The following MTMR8 variants were observed in gnomAD, a reference collection of about 807,000 sequenced individuals.
The protein encoded by MTMR8 is myotubularin related protein 8.
Under a neutral mutation model 39.3 loss-of-function variants are expected in MTMR8, and 65 were observed. The observed-to-expected ratio is 1.65, with a 90% confidence interval of 1.35 to 2.03. The LOEUF (loss-of-function observed/expected upper bound fraction) is 2.03. Among genes scored for constraint, MTMR8 ranks in the 30% most tolerant of loss-of-function variants. The pLI, the probability that MTMR8 is intolerant of heterozygous loss-of-function variation, is 0.00. For synonymous variants in MTMR8, 245 were observed against 185.2 expected, an observed-to-expected ratio of 1.32 and a Z score of -2.62; for missense variants, 777 against 538.9, an observed-to-expected ratio of 1.44 and a Z score of -4.37.
intron 7 of MTMR8, among the ~76,000 whole-genome samples, chrX:64,344,540 C>T (rs1434002475): frequency 9.0e-6 from 1 of 111,192 alleles, no homozygotes. Flanking sequence ...TCCCACCTTG[C>T]CCCCTTTCTG....
chrX:64,319,110 T>C (rs937026150), intron 12 of MTMR8, among the ~76,000 whole-genome samples: 1 of 112,346 alleles, frequency 8.9e-6, no homozygotes, highest in Non-Finnish European at 1.9e-5. Flanking sequence ...AAAGAATAAT[T>C]GGTGGCAATG....
Position 64,317,229 on chromosome X carries a change from C to T in MTMR8, c.1481+11543G>A, listed in dbSNP as rs183575295. On this transcript the variant is annotated intron_variant, in intron 12 of 13. Transcript: ENST00000374852. ...GTTCACTCAGCTTCTCGAATCTATA[C>T]GTATAAGCCTTTTGCCATACTGGAA... Among the ~76,000 whole-genome samples the T allele has an allele frequency of 4.4e-4, 49 of 111,363 alleles. No individual in the cohort carries two copies. In the South Asian group the frequency reaches 0.017, roughly 38 times the overall value.
At chrX:64,371,075 T>C (rs1924120127) in intron 1 of MTMR8, among the ~76,000 whole-genome samples, 1 of 111,897 alleles carries the variant, frequency 8.9e-6, no homozygotes, top group African/African-American at 3.2e-5. Flanking sequence ...AAGGATCACT[T>C]GAACTCAGGA....
intron 12 of MTMR8, among the ~76,000 whole-genome samples, chrX:64,313,355 C>G (rs1296738906): frequency 8.9e-6 from 1 of 112,691 alleles, no homozygotes; most frequent in Non-Finnish European, 1.9e-5. Context: ...ATGAACCAAG[C>G]TCAGGTAGCT....
At chrX:64,374,319 C>T (rs1408784858) in intron 1 of MTMR8, among the ~76,000 whole-genome samples, 4 of 111,826 alleles carry the variant, frequency 3.6e-5, no homozygotes, top group Non-Finnish European at 7.5e-5. Context: ...TTCTTTAATT[C>T]AAGATTCTGT....
intron 1 of MTMR8, among the ~76,000 whole-genome samples, chrX:64,380,784 C>T (rs1924392710): frequency 9.0e-6 from 1 of 111,070 alleles, no homozygotes; most frequent in Admixed American, 9.6e-5. Flanking sequence ...GTGATGTTCC[C>T]CTTGCTGTGT....
intron 12 of MTMR8, among the ~76,000 whole-genome samples, chrX:64,288,669 C>T (rs1274395762): frequency 9.0e-6 from 1 of 111,680 alleles, no homozygotes; most frequent in Non-Finnish European, 1.9e-5. Context: ...ACATATACAC[C>T]ATGGAATACT....
chrX:64,359,378 C>A, intron 2 of MTMR8, 27 bp downstream of exon 2: 1 of 1,193,282 alleles, frequency 8.4e-7, no homozygotes, highest in Non-Finnish European at 1.1e-6. Flanking sequence ...CTTTAAGACT[C>A]TTTGATACTT....
At chrX:64,320,819 G>A (rs1217438925) in intron 12 of MTMR8, among the ~76,000 whole-genome samples, 1 of 111,537 alleles carries the variant, frequency 9.0e-6, no homozygotes, top group Non-Finnish European at 1.9e-5. Flanking sequence ...TACAGAAGCA[G>A]GACATGGCTA....
chrX:64,338,473 C>T (rs1016945076), intron 8 of MTMR8, among the ~76,000 whole-genome samples: 3 of 112,013 alleles, frequency 2.7e-5, no homozygotes, highest in Non-Finnish European at 3.8e-5. Context: ...GATGTAACAG[C>T]GTGTACATTG....
chrX:64,307,772 C>T (rs946708198), intron 12 of MTMR8, among the ~76,000 whole-genome samples: 1 of 112,160 alleles, frequency 8.9e-6, no homozygotes, highest in East Asian at 2.8e-4. Flanking sequence ...ATTGTAATTG[C>T]ATACCAATTT....
At chrX:64,362,458 T>C in intron 1 of MTMR8, among the ~76,000 whole-genome samples, 1 of 16,398 alleles carries the variant, frequency 6.1e-5, no homozygotes. Context: ...AAAAAACCTC[T>C]AGTACTATTG....
At chrX:64,379,343 A>C (rs1924351109) in intron 1 of MTMR8, among the ~76,000 whole-genome samples, 1 of 112,120 alleles carries the variant, frequency 8.9e-6, no homozygotes, top group African/African-American at 3.2e-5. Context: ...AGTACAGACT[A>C]ATATTTTTCA....
At chrX:64,297,795 C>T (rs950632597) in intron 12 of MTMR8, among the ~76,000 whole-genome samples, 2 of 111,366 alleles carry the variant, frequency 1.8e-5, no homozygotes, top group African/African-American at 6.5e-5. Flanking sequence ...CAGCTTTCTA[C>T]ATATGACTAG....
At chrX:64,390,161 G>T (rs751277816) in intron 1 of MTMR8, among the ~76,000 whole-genome samples, 1 of 112,011 alleles carries the variant, frequency 8.9e-6, no homozygotes, top group East Asian at 2.8e-4. Context: ...ATGAAGACTG[G>T]GAGGAAGCAA....
At chrX:64,272,898 G>T (rs756067587) in intron 12 of MTMR8, among the ~76,000 whole-genome samples, 6 of 111,594 alleles carry the variant, frequency 5.4e-5, no homozygotes, top group Non-Finnish European at 1.1e-4. Context: ...AGCACTGAAG[G>T]AAAACTAAAA....
chrX:64,309,839 A>G (rs751431574), intron 12 of MTMR8, among the ~76,000 whole-genome samples: 19 of 112,430 alleles, frequency 1.7e-4, no homozygotes, highest in Admixed American at 1.5e-3. Flanking sequence ...AAAACTGTAT[A>G]TATCTTAATT....
intron 12 of MTMR8, among the ~76,000 whole-genome samples, chrX:64,288,603 G>T (rs1921285514): frequency 8.9e-6 from 1 of 111,810 alleles, no homozygotes; most frequent in Non-Finnish European, 1.9e-5. Flanking sequence ...CAATAGCAAA[G>T]ACTTGGAACC....
At chrX:64,343,926 G>C (rs769317457) in intron 7 of MTMR8, among the ~76,000 whole-genome samples, 1 of 111,374 alleles carries the variant, frequency 9.0e-6, no homozygotes, top group African/African-American at 3.3e-5. Flanking sequence ...TTATCATGCT[G>C]TAGAACCCAC....
Sources: allele counts gnomAD v4.1 joint callset (sites outside exome capture counted in the v4.1 genomes callset), GRCh38; gene constraint gnomAD v4.1.1; transcripts MANE v1.5; gene names NCBI Gene and HGNC (gene_info 2026-07-23, HGNC 2026-07-21).